Variants in SPRING1 observed in about 807,000 individuals in gnomAD.
The protein encoded by SPRING1 is SREBF pathway regulator in golgi 1.
A neutral mutation model predicts 24.7 loss-of-function variants in SPRING1; 14 were observed. The ratio of observed to expected loss-of-function variants is 0.57; its 90% confidence interval spans 0.37 to 0.88. The LOEUF (loss-of-function observed/expected upper bound fraction) is 0.88. Among genes scored for constraint, SPRING1 ranks in the 40% least tolerant of loss-of-function variants. The pLI is 0.00. For missense variants in SPRING1, 255 were observed against 268.4 expected (o/e 0.95, Z 0.35); for synonymous variants, 93 against 106.1 (o/e 0.88, Z 0.76).
chr12:116,729,544 CATAATAACTAAA>C, intron 1 of SPRING1, among the ~76,000 whole-genome samples: 1 of 152,192 alleles, frequency 6.6e-6, no homozygotes, highest in Non-Finnish European at 1.5e-5. Flanking sequence ...CAGCGTTATT[CATAATAACTAAA>C]AGGTGGAAAC....
Position 116,738,017 on chromosome 12 carries a change from G to C in SPRING1, c.-117C>G. 1 of 1,111,772 alleles carries C rather than the reference G, an allele frequency of 9.0e-7. No homozygotes were observed. Among genetic ancestry groups the C allele is most frequent in the Non-Finnish European group, 1.1e-6 (1 of 910,300 alleles). 68.9% of individuals were successfully genotyped at this position (1,111,772 alleles called of 1,614,324 possible). ...ATCCCTCCAGGCAGGCGCCGGCCCCGCCGCCCGCAGCCCAGTCTGCTCCCG... is the reference window on the plus strand; with the variant it reads ...ATCCCTCCAGGCAGGCGCCGGCCCCCCCGCCCGCAGCCCAGTCTGCTCCCG... On this transcript the variant is annotated 5_prime_UTR_variant, in exon 1 of 5. Transcript: ENST00000261318.
At chr12:116,727,558 A>G (rs1275784011) in intron 1 of SPRING1, among the ~76,000 whole-genome samples, 1 of 151,040 alleles carries the variant, frequency 6.6e-6, no homozygotes, top group African/African-American at 2.5e-5. Flanking sequence ...AGGCACTCTT[A>G]TGAACCTCAG....
At position 116,737,871 on chromosome 12, in the gene SPRING1, GCGCCACACCATGGC is replaced by G. The variant is rs752826066; in HGVS notation, c.16_29del (p.Ala6ProfsTer35). 1 of 1,576,102 alleles carries G rather than the reference GCGCCACACCATGGC, an allele frequency of 6.3e-7. No homozygotes were observed. Among genetic ancestry groups the G allele is most frequent in the Non-Finnish European group, 8.6e-7 (1 of 1,162,626 alleles). The stretch of plus-strand genomic sequence containing the variant: ...GCACCCACCTCTTCCGCAGAAGCCG[GCGCCACACCATGGC>G]CGCCAGGTTCACCATCCCGGCGCGG... On this transcript the variant is annotated frameshift_variant, in exon 1 of 5. Transcript: ENST00000261318. LOFTEE classifies it high-confidence loss of function.
intron 1 of SPRING1, among the ~76,000 whole-genome samples, chr12:116,729,033 A>G (rs1181392504): frequency 6.6e-6 from 1 of 152,240 alleles, no homozygotes; most frequent in East Asian, 1.9e-4. Context: ...GATCGTTTTT[A>G]TTCATTTAAA....
chr12:116,737,533 AGGAAGGTG>A (rs1160366610), intron 1 of SPRING1, among the ~76,000 whole-genome samples: 1 of 5,382 alleles, frequency 1.9e-4, no homozygotes, highest in Non-Finnish European at 4.8e-4. Context: ...AGGAAGGAGG[AGGAAGGTG>A]AGGAAGGTAA....
At position 116,720,397 on chromosome 12, in the gene SPRING1, TGACATTACAGCA is replaced by T; in HGVS notation, c.307_318del (p.Cys103_Val106del). On this transcript the variant is annotated inframe_deletion, in exon 3 of 5. Coordinates refer to ENST00000261318, the MANE Select transcript of SPRING1 (RefSeq NM_024738.4). This position sits in a 1 kb window ranked among gnomAD's most constrained non-coding sequence, Gnocchi z 4.0. ...CAGTACTGCTTCGTGCTAGGGACGT[TGACATTACAGCA>T]GCCATTTACCAGCAAATCCTTCCTC... The T allele has an allele frequency of 6.2e-7, 1 of 1,614,178 alleles. No homozygotes were observed. Among genetic ancestry groups the T allele is most frequent in the Middle Eastern group, 1.6e-4 (1 of 6,062 alleles).
intron 4 of SPRING1, among the ~76,000 whole-genome samples, chr12:116,718,114 C>A (rs1421561730): frequency 6.6e-6 from 1 of 152,204 alleles, no homozygotes; most frequent in Non-Finnish European, 1.5e-5. Flanking sequence ...GACATAACAT[C>A]GCTGTGGGAC....
rs1477008796 is a variant in SPRING1 at position 116,728,723 on chromosome 12, A to G, written c.112-5500T>C. ...AACGGTACACACCCTGGACCCGTAC[A>G]CTCCATCTCACCATCTCCATTTTAC... On this transcript the variant is annotated intron_variant, in intron 1 of 4. Transcript: ENST00000261318. This position sits in a 1 kb window ranked among gnomAD's most constrained non-coding sequence, Gnocchi z 4.2. 1.3e-5 allele frequency among the ~76,000 whole-genome samples: 2 copies of G among 152,102 alleles called. No individual in the cohort carries two copies. The highest frequency in any genetic ancestry group is 2.9e-5 in the Non-Finnish European group (2 of 68,018).
intron 1 of SPRING1, among the ~76,000 whole-genome samples, chr12:116,727,585 G>A (rs1191505778): frequency 1.3e-5 from 2 of 152,298 alleles, no homozygotes; most frequent in East Asian, 3.9e-4. Context: ...AGGGGAGGGG[G>A]AGAAAGGCCA....
chr12:116,726,048 T>C (rs1273576047), intron 1 of SPRING1, among the ~76,000 whole-genome samples: 2 of 152,234 alleles, frequency 1.3e-5, no homozygotes, highest in Non-Finnish European at 2.9e-5. Context: ...CCTCAACATT[T>C]ACACAAATTA....
chr12:116,733,349 A>ATTTTTTTTTTTTTTTTTTTTTTTTTTT (rs1226137739), intron 1 of SPRING1, among the ~76,000 whole-genome samples: 8 of 145,686 alleles, frequency 5.5e-5, no homozygotes, highest in African/African-American at 1.9e-4. Flanking sequence ...AGCCTGGTTA[A>ATTTTTTTTTTTTTTTTTTTTTTTTTTT]TTTTTTGTAT....
At position 116,712,788 on chromosome 12, in the gene SPRING1, G is replaced by A. The variant is rs932081289; in HGVS notation, c.*5022C>T. On this transcript the variant is annotated 3_prime_UTR_variant, in exon 5 of 5. Coordinates refer to ENST00000261318, the MANE Select transcript of SPRING1 (RefSeq NM_024738.4). Reference sequence around the variant, plus strand: ...CAGATCCTTCTGCAGACAGGAGGGTGTCTGCATTCGGCGGAGTCCAAGAGT... The same window carrying A: ...CAGATCCTTCTGCAGACAGGAGGGTATCTGCATTCGGCGGAGTCCAAGAGT... 2 of 152,426 alleles carry A rather than the reference G, an allele frequency of 1.3e-5. No individual in the cohort carries two copies. Among genetic ancestry groups the A allele is most frequent in the African/African-American group, 4.8e-5 (2 of 41,448 alleles). The allele number at this position is 152,426 out of a possible 1,614,324, so 9.4% of individuals were successfully genotyped here. A position where few individuals can be genotyped will look rare whatever the true frequency, so the allele number is the denominator to read the frequency against.
At position 116,738,016 on chromosome 12, in the gene SPRING1, C is replaced by G. The variant is rs534596632; in HGVS notation, c.-116G>C. 486 of 1,116,064 alleles carry G rather than the reference C, an allele frequency of 4.4e-4. 1 individual carries two copies. In the African/African-American group the frequency reaches 7.6e-3, roughly 17 times the overall value. 69.1% of individuals were successfully genotyped at this position (1,116,064 alleles called of 1,614,324 possible). On this transcript the variant is annotated 5_prime_UTR_variant, in exon 1 of 5. Coordinates refer to ENST00000261318, the MANE Select transcript of SPRING1 (RefSeq NM_024738.4). ...CATCCCTCCAGGCAGGCGCCGGCCCCGCCGCCCGCAGCCCAGTCTGCTCCC... is the reference window on the plus strand; with the variant it reads ...CATCCCTCCAGGCAGGCGCCGGCCCGGCCGCCCGCAGCCCAGTCTGCTCCC...
intron 1 of SPRING1, among the ~76,000 whole-genome samples, chr12:116,733,254 C>T (rs1392931926): frequency 6.6e-6 from 1 of 151,872 alleles, no homozygotes. Context: ...GCGATCTCGG[C>T]TCACTGCAAC....
intron 1 of SPRING1, 58 bp downstream of exon 1, chr12:116,737,732 G>A: frequency 2.1e-6 from 3 of 1,429,666 alleles, no homozygotes; most frequent in Non-Finnish European, 2.8e-6. Flanking sequence ...AGAAAGTAAA[G>A]TAAGGGGGAG....
chr12:116,720,450 G>A lies in SPRING1; in HGVS notation c.269-3C>T, dbSNP rs774252952. Reference sequence around the variant, plus strand: ...ATCCTTCCTCTCGCAAACGTAGCCTGAAAGTCAGAGACCAACCTTAGCATA... The same window carrying A: ...ATCCTTCCTCTCGCAAACGTAGCCTAAAAGTCAGAGACCAACCTTAGCATA... On this transcript the variant is annotated splice_region_variant and splice_polypyrimidine_tract_variant and intron_variant, in intron 2 of 4. Transcript: ENST00000261318. The surrounding 1 kb of genome is among the most constrained non-coding windows in gnomAD (Gnocchi z 4.0). 1.9e-6 allele frequency: 3 copies of A among 1,613,622 alleles called. No homozygotes were observed. In the African/African-American group the frequency reaches 4.0e-5, roughly 22 times the overall value.
chr12:116,736,108 A>T (rs1871208958), intron 1 of SPRING1, among the ~76,000 whole-genome samples: 1 of 76,182 alleles, frequency 1.3e-5, no homozygotes, highest in African/African-American at 3.6e-5. Flanking sequence ...AATAAAAAAA[A>T]ATTGAAAAAA....
At position 116,717,832 on chromosome 12, in the gene SPRING1, G is replaced by A. The variant is rs770859795; in HGVS notation, c.596C>T (p.Pro199Leu). The change falls in exon 5 of 5, where the codon CCG becomes CTG. Residue 199 changes from proline (P) to leucine (L), a missense_variant. Transcript: ENST00000261318. The surrounding 1 kb of genome is among the most constrained non-coding windows in gnomAD (Gnocchi z 4.2). Reference protein sequence around the residue: ...PIAKYCYGESPPELFPA With the variant: ...PIAKYCYGESLPELFPA ...CCGTCAAGCGGGGAAGAGCTCGGGC[G>A]GGCTTTCTCCATAGCAATACTTTGC... The A allele has an allele frequency of 3.1e-5, 49 of 1,603,486 alleles. 1 individual carries two copies. The highest frequency in any genetic ancestry group is 8.0e-5 in the African/African-American group (6 of 74,724).
rs907685324 is a variant in SPRING1, at chr12:116,737,694, AAGG to A, written c.111+93_111+95del. The A allele has an allele frequency of 5.3e-5, 70 of 1,314,138 alleles. 2 individuals are homozygous for A. The South Asian group carries it at 9.0e-4, about 17-fold the overall frequency. 81.4% of individuals were successfully genotyped at this position (1,314,138 alleles called of 1,614,324 possible). On this transcript the variant is annotated intron_variant, in intron 1 of 4. Transcript: ENST00000261318. ...GTAGGAAGACAGGGAGGAAGGAAAA[AAGG>A]AGGAAGGTAACGAAGGAAGGAAGGA...
Sources: allele counts gnomAD v4.1 joint callset (sites outside exome capture counted in the v4.1 genomes callset), GRCh38; gene constraint gnomAD v4.1.1; non-coding constraint Gnocchi (gnomAD v3.1); transcripts MANE v1.5; gene names NCBI Gene and HGNC (gene_info 2026-07-23, HGNC 2026-07-21).